The following MECOM variants were observed in gnomAD, a reference collection of about 807,000 sequenced individuals.
MECOM encodes MDS1 and EVI1 complex locus.
Under a neutral mutation model 116.3 loss-of-function variants are expected in MECOM, and 13 were observed. That is an observed-to-expected ratio of 0.11 (90% CI 0.07 to 0.18). The LOEUF is 0.18. Among genes scored for constraint, MECOM ranks in the 10% least tolerant of loss-of-function variants. MECOM has a pLI of 1.00. For missense variants in MECOM, 1,299 were observed against 1,509.0 expected, an observed-to-expected ratio of 0.86 and a Z score of 2.31; for synonymous variants, 528 against 535.2, an observed-to-expected ratio of 0.99 and a Z score of 0.19.
At chr3:169,536,641 C>T (rs1225017334) in intron 1 of MECOM, among the ~76,000 whole-genome samples, 2 of 151,976 alleles carry the variant, frequency 1.3e-5, no homozygotes, top group South Asian at 4.2e-4. Context: ...GGACAACTTC[C>T]AAAGGGGAAA....
At chr3:169,128,111 C>A (rs760392600) in intron 4 of MECOM, 51 bp from the exon 5 acceptor site, 1 of 1,539,782 alleles carries the variant, frequency 6.5e-7, no homozygotes, top group South Asian at 1.1e-5. Context: ...ATTGCCATCA[C>A]AAACCAGCCA....
In MECOM at chr3:169,472,555, AAAGAGAGGAGAGGAGAGGAGAGGAG is replaced by A. The variant is rs1560318251; in HGVS notation, c.38-91056_38-91032del. On this transcript the variant is annotated intron_variant, in intron 1 of 16. Transcript: ENST00000651503. ...AAGAAAAGGAAAGGAAAGGAAAAGA[AAAGAGAGGAGAGGAGAGGAGAGGAG>A]AGGAAAGGAAAGGAAAGGAAAGGAA... Among the ~76,000 whole-genome samples, 26 of 84,122 alleles carry A rather than the reference AAAGAGAGGAGAGGAGAGGAGAGGAG, an allele frequency of 3.1e-4. 7 individuals are homozygous for A. Among genetic ancestry groups the A allele is most frequent in the African/African-American group, 1.5e-3 (23 of 15,390 alleles). 55.2% of individuals were successfully genotyped at this position (84,122 alleles called of 152,430 possible).
intron 2 of MECOM, among the ~76,000 whole-genome samples, chr3:169,273,325 TG>T (rs1438683077): frequency 2.6e-5 from 4 of 152,320 alleles, no homozygotes; most frequent in African/African-American, 9.6e-5. Context: ...TAGTTCAAAA[TG>T]TTAAAGCCAT....
At chr3:169,207,671 T>G (rs1449374626) in intron 2 of MECOM, among the ~76,000 whole-genome samples, 8 of 152,186 alleles carry the variant, frequency 5.3e-5, no homozygotes, top group Non-Finnish European at 8.8e-5. Context: ...AGGAGAATGC[T>G]TCCTAGTGCA....
chr3:169,523,852 CGTGTATGCATGTGT>C (rs993146251), intron 1 of MECOM, among the ~76,000 whole-genome samples: 1 of 147,608 alleles, frequency 6.8e-6, no homozygotes, highest in African/African-American at 2.5e-5. Context: ...CAGGTATGTA[CGTGTATGCATGTGT>C]GTGTATATAC....
At chr3:169,149,852 A>T (rs111244306) in intron 2 of MECOM, 18 of 327,998 alleles carry the variant, frequency 5.5e-5, no homozygotes, top group Non-Finnish European at 6.1e-6. Flanking sequence ...ATAAATTGTG[A>T]AAAAGACTAA....
chr3:169,402,844 C>T (rs1193818132), intron 1 of MECOM, among the ~76,000 whole-genome samples: 2 of 152,120 alleles, frequency 1.3e-5, no homozygotes, highest in African/African-American at 4.8e-5. Context: ...TCAGGTACTG[C>T]CTTCACAAAG....
chr3:169,522,127 T>C (rs11923798), intron 1 of MECOM, among the ~76,000 whole-genome samples: 16,998 of 152,192 alleles, frequency 0.11, 1,027 homozygotes, highest in South Asian at 0.12. Context: ...ACCCTGTAAG[T>C]AAAACTTCTA....
At chr3:169,127,272 G>T (rs1733178938) in intron 5 of MECOM, among the ~76,000 whole-genome samples, 1 of 152,022 alleles carries the variant, frequency 6.6e-6, no homozygotes, top group Non-Finnish European at 1.5e-5. Context: ...TTAAAAATAA[G>T]TGTTAAAGAA....
chr3:169,170,813 A>G (rs908811465), intron 2 of MECOM, among the ~76,000 whole-genome samples: 36 of 152,174 alleles, frequency 2.4e-4, no homozygotes, highest in Admixed American at 2.0e-3. Flanking sequence ...AACCCATTTA[A>G]AAGTGAACTT....
chr3:169,371,389 T>G (rs1486108460), intron 2 of MECOM, among the ~76,000 whole-genome samples: 3 of 151,906 alleles, frequency 2.0e-5, no homozygotes, highest in African/African-American at 7.2e-5. Flanking sequence ...GGTTAAAGGG[T>G]ACAAACTGGC....
chr3:169,314,408 C>G (rs1577684189), intron 2 of MECOM, among the ~76,000 whole-genome samples: 1 of 152,318 alleles, frequency 6.6e-6, no homozygotes, highest in Middle Eastern at 3.4e-3. Context: ...ATAGCACGTG[C>G]ATAGTTCACA....
intron 1 of MECOM, among the ~76,000 whole-genome samples, chr3:169,634,388 AT>A (rs1472987566): frequency 6.6e-6 from 1 of 152,218 alleles, no homozygotes; most frequent in African/African-American, 2.4e-5. Flanking sequence ...TAATGTGTTC[AT>A]ACAGGAGCAT....
chr3:169,569,619 C>G (rs1300923520), intron 1 of MECOM, among the ~76,000 whole-genome samples: 2 of 152,084 alleles, frequency 1.3e-5, no homozygotes, highest in East Asian at 3.8e-4. Flanking sequence ...GAATGGAAAT[C>G]ATAACAAACA....
intron 2 of MECOM, among the ~76,000 whole-genome samples, chr3:169,187,560 G>C (rs1476929461): frequency 1.3e-5 from 2 of 152,054 alleles, no homozygotes; most frequent in East Asian, 3.9e-4. Context: ...GTAGGATGGA[G>C]AGGGGAAAAA....
chr3:169,437,670 T>C (rs73172092), intron 1 of MECOM, among the ~76,000 whole-genome samples: 27,789 of 152,206 alleles, frequency 0.18, 3,102 homozygotes, highest in Non-Finnish European at 0.25. Flanking sequence ...ATTCTTGAGT[T>C]AAAGAAAAAT....
intron 1 of MECOM, among the ~76,000 whole-genome samples, chr3:169,431,011 T>C (rs931952463): frequency 2.6e-5 from 4 of 152,226 alleles, no homozygotes; most frequent in African/African-American, 9.7e-5. Context: ...ATTTTTGGGC[T>C]TGTTTTTCCC....
In MECOM at chr3:169,087,705, C is replaced by A. The variant is rs1467616996; in HGVS notation, c.3585+1295G>T. ...TCAAGGGTTAAAAAAAAATACTAGC[C>A]ACCCCTTATGGATGTCTCTAAGTAA... is the stretch of plus-strand genomic sequence containing the variant. On this transcript the variant is annotated intron_variant, in intron 16 of 16. Coordinates refer to ENST00000651503, the MANE Select transcript of MECOM (RefSeq NM_004991.4). Among the ~76,000 whole-genome samples, 6 of 152,054 alleles carry A rather than the reference C, an allele frequency of 3.9e-5. No homozygotes were observed. The East Asian group carries it at 1.2e-3, about 29-fold the overall frequency.
At chr3:169,593,780 G>A (rs1038616214) in intron 1 of MECOM, among the ~76,000 whole-genome samples, 3 of 152,094 alleles carry the variant, frequency 2.0e-5, no homozygotes, top group African/African-American at 7.2e-5. Flanking sequence ...TGCTCATAAG[G>A]CTAAACCAAG....
Sources: allele counts gnomAD v4.1 joint callset (sites outside exome capture counted in the v4.1 genomes callset), GRCh38; gene constraint gnomAD v4.1.1; transcripts MANE v1.5; gene names NCBI Gene and HGNC (gene_info 2026-07-23, HGNC 2026-07-21).